Variants in DHX29 observed in about 807,000 individuals in gnomAD.
The protein encoded by DHX29 is DExH-box helicase 29.
Under a neutral mutation model 167.9 loss-of-function variants are expected in DHX29, and 79 were observed. The ratio of observed to expected loss-of-function variants is 0.47; its 90% CI spans 0.39 to 0.57. The LOEUF is 0.57. Among genes scored for constraint, DHX29 ranks in the 20% least tolerant of loss-of-function variants. The pLI is 0.00. For synonymous variants in DHX29, 530 were observed against 546.0 expected (o/e 0.97, Z 0.41); for missense variants, 1,347 against 1,593.4 (o/e 0.85, Z 2.63).
At chr5:55,287,040 C>T (rs866203234) in intron 8 of DHX29, among the ~76,000 whole-genome samples, 1 of 152,194 alleles carries the variant, frequency 6.6e-6, no homozygotes, top group Non-Finnish European at 1.5e-5. Context: ...TGATAGTACA[C>T]ATCATAATTT....
At chr5:55,258,822 G>A (rs1225403495) in intron 26 of DHX29, among the ~76,000 whole-genome samples, 4 of 152,012 alleles carry the variant, frequency 2.6e-5, no homozygotes, top group African/African-American at 9.7e-5. Context: ...CAAAGTGGTG[G>A]GATTACAGGC....
intron 24 of DHX29, 66 bp downstream of exon 24, chr5:55,262,564 T>A: frequency 6.4e-7 from 1 of 1,555,820 alleles, no homozygotes; most frequent in East Asian, 2.3e-5. Context: ...TAGGGCATCC[T>A]AACTTGTTAT....
chr5:55,284,583 TCTAATTTCCTACGAAGAAA>T (rs1241915838), intron 10 of DHX29, among the ~76,000 whole-genome samples: 1 of 152,224 alleles, frequency 6.6e-6, no homozygotes, highest in Non-Finnish European at 1.5e-5. Context: ...TTTCAATGGT[TCTAATTTCCTACGAAGAAA>T]GAAACACATT....
chr5:55,289,576 T>C, intron 7 of DHX29, 148 bp from the exon 8 acceptor site: 1 of 568,138 alleles, frequency 1.8e-6, no homozygotes, highest in Non-Finnish European at 2.7e-6. Context: ...CTGCATTCCT[T>C]CTTTTTCCTT....
At chr5:55,277,905 C>CAAAAA (rs753851538) in intron 12 of DHX29, among the ~76,000 whole-genome samples, 2 of 62,144 alleles carry the variant, frequency 3.2e-5, no homozygotes, top group African/African-American at 1.1e-4. Flanking sequence ...GACTCTATCT[C>CAAAAA]AAAAAAAAAA....
At chr5:55,261,016 T>G (rs992918221) in intron 25 of DHX29, among the ~76,000 whole-genome samples, 2 of 152,182 alleles carry the variant, frequency 1.3e-5, no homozygotes, top group African/African-American at 2.4e-5. Context: ...GGAAAATTAT[T>G]TAATTTCTCA....
intron 13 of DHX29, 107 bp from the exon 14 acceptor site, chr5:55,276,513 T>C (rs1747124734): frequency 1.1e-6 from 1 of 903,898 alleles, no homozygotes; most frequent in Admixed American, 3.2e-5. Flanking sequence ...AAATGTTAAT[T>C]TAGAATATTA....
chr5:55,259,987 C>T (rs13166628), intron 25 of DHX29, 43 bp from the exon 26 acceptor site: 65 of 1,169,726 alleles, frequency 5.6e-5, no homozygotes, highest in Non-Finnish European at 8.0e-5. Flanking sequence ...CAATCCAGGG[C>T]AGTGTGAATG....
At chr5:55,291,854 C>G (rs553411520) in intron 6 of DHX29, among the ~76,000 whole-genome samples, 39 of 152,142 alleles carry the variant, frequency 2.6e-4, no homozygotes, top group Non-Finnish European at 5.0e-4. Flanking sequence ...ACCAGAACTT[C>G]CTTCTTTTTT....
At chr5:55,304,741 T>C (rs1748779093) in intron 1 of DHX29, among the ~76,000 whole-genome samples, 1 of 152,128 alleles carries the variant, frequency 6.6e-6, no homozygotes, top group Admixed American at 6.6e-5. Context: ...TATTACTTGT[T>C]GTGCAAGCCA....
chr5:55,258,545 G>T (rs1010857284), intron 26 of DHX29, among the ~76,000 whole-genome samples: 3 of 152,124 alleles, frequency 2.0e-5, no homozygotes, highest in Non-Finnish European at 2.9e-5. Context: ...TGATGATTTG[G>T]CAAGTTTGAG....
chr5:55,269,556 T>TAA lies in DHX29; in HGVS notation c.3150_3151insTT (p.Asn1051LeufsTer12). 1 of 1,614,132 alleles carries TAA rather than the reference T, an allele frequency of 6.2e-7. No individual in the cohort carries two copies. The highest frequency in any genetic ancestry group is 8.5e-7 in the Non-Finnish European group (1 of 1,180,018). ...CAAGCTCCAATTTTTCGGAGCAAATTCATTGCATTGCTGATCACTTGGAGC... is the reference window on the plus strand; with the variant it reads ...CAAGCTCCAATTTTTCGGAGCAAATTAACATTGCATTGCTGATCACTTGGAGC... On this transcript the variant is annotated frameshift_variant, in exon 21 of 27. Coordinates refer to ENST00000251636, the MANE Select transcript of DHX29 (RefSeq NM_019030.4). LOFTEE classifies it high-confidence loss of function.
intron 13 of DHX29, 45 bp from the exon 14 acceptor site, chr5:55,276,451 C>G (rs1249101428): frequency 4.1e-6 from 6 of 1,449,434 alleles, no homozygotes; most frequent in Non-Finnish European, 5.6e-6. Context: ...AAATTCGTTT[C>G]AGTAAATATC....
chr5:55,258,138 CTGATCAATTCTTAACATTA>C (rs777506923), intron 26 of DHX29, among the ~76,000 whole-genome samples: 4 of 152,194 alleles, frequency 2.6e-5, no homozygotes, highest in Non-Finnish European at 5.9e-5. Context: ...ACTGAAGTCA[CTGATCAATTCTTAACATTA>C]AAAGGACAAC....
rs1012062320 is a variant in DHX29 at position 55,276,410 on chromosome 5, C to T, written c.2287-4G>A. The T allele has an allele frequency of 6.3e-6, 10 of 1,587,314 alleles. No individual in the cohort carries two copies. Among genetic ancestry groups the T allele is most frequent in the Non-Finnish European group, 8.5e-6 (10 of 1,170,676 alleles). ...TTATATCTTCAAGATGAAAAACCTG[C>T]ATAGAATAAGGCATATAAATGGGTG... On this transcript the variant is annotated splice_polypyrimidine_tract_variant and splice_region_variant and intron_variant, in intron 13 of 26. Transcript: ENST00000251636.
In DHX29 at chr5:55,269,107, G is replaced by A. The variant is rs538221279; in HGVS notation, c.3294+306C>T. Among the ~76,000 whole-genome samples the A allele has an allele frequency of 4.6e-5, 7 of 152,008 alleles. No homozygotes were observed. The South Asian group carries it at 1.5e-3, about 32-fold the overall frequency. Reference sequence around the variant, plus strand: ...CTAAAAATACAAAAATTAGCCAGGTGTGGTGGCACGTGCCTGTAATCCCAG... The same window carrying A: ...CTAAAAATACAAAAATTAGCCAGGTATGGTGGCACGTGCCTGTAATCCCAG... On this transcript the variant is annotated intron_variant, in intron 21 of 26. Transcript: ENST00000251636.
rs752420068 is a variant in DHX29 at position 55,296,393 on chromosome 5, C to T, written c.376-44G>A. ...AAAAAAGTCACATTTGTCAAAGTTC[C>T]CTTCCTGTGTTACTAATTATCCCAT... On this transcript the variant is annotated intron_variant, in intron 3 of 26. Transcript: ENST00000251636. The T allele has an allele frequency of 3.8e-6, 6 of 1,575,972 alleles. No individual in the cohort carries two copies. The African/African-American group carries it at 8.1e-5, about 21-fold the overall frequency.
intron 20 of DHX29, among the ~76,000 whole-genome samples, chr5:55,270,210 T>C (rs1746782628): frequency 6.6e-6 from 1 of 152,170 alleles, no homozygotes; most frequent in African/African-American, 2.4e-5. Context: ...TATGAGGCTG[T>C]ATTTTAATCT....
At chr5:55,273,507 A>G in intron 16 of DHX29, 130 bp from the exon 17 acceptor site, 1 of 1,166,732 alleles carries the variant, frequency 8.6e-7, no homozygotes, top group Non-Finnish European at 1.1e-6. Flanking sequence ...AACATACACA[A>G]GTGTTTACAG....
Sources: allele counts gnomAD v4.1 joint callset (sites outside exome capture counted in the v4.1 genomes callset), GRCh38; gene constraint gnomAD v4.1.1; transcripts MANE v1.5; gene names NCBI Gene and HGNC (gene_info 2026-07-23, HGNC 2026-07-21).